FAN1: variants seen among roughly 807,000 people sequenced by gnomAD.
FAN1 encodes FANCD2 and FANCI associated nuclease 1, also known as fanconi-associated nuclease 1.
FAN1 carries 91 observed loss-of-function variants against 104.9 expected under a neutral mutation model. The ratio of observed to expected loss-of-function variants is 0.87; its 90% CI spans 0.73 to 1.03. The LOEUF is 1.03. FAN1 is among the 50% of genes least tolerant of loss of function. FAN1 has a pLI of 0.00. For synonymous variants in FAN1, 478 were observed against 457.6 expected (o/e 1.04, Z -0.57); for missense variants, 1,263 against 1,239.9 (o/e 1.02, Z -0.28).
intron 7 of FAN1, 25 bp downstream of exon 7, chr15:30,920,678 C>A: frequency 2.2e-6 from 3 of 1,351,548 alleles, no homozygotes; most frequent in Non-Finnish European, 3.1e-6. Flanking sequence ...CCCTGCCCCC[C>A]ACCATTACTG....
In FAN1 at chr15:30,908,217, C is replaced by G. The variant is rs1171683428; in HGVS notation, c.1334C>G (p.Pro445Arg). 2 of 1,608,278 alleles carry G rather than the reference C, an allele frequency of 1.2e-6. No homozygotes were observed. The highest frequency in any genetic ancestry group is 1.7e-5 in the Admixed American group (1 of 59,186). ...GAAGAGATTGCCTTAGACTTAACAC[C>G]TGTGATTGAAGAATTGACGAATGCA... ...EYEEIALDLT[P>R]VIEELTNAGF... is the part of the protein sequence containing the mutation. Residue 445 changes from proline to arginine, a missense_variant, in exon 3 of 15, where the codon CCT becomes CGT. Pro to Arg is a moderately radical substitution (Grantham distance 103). This residue lies in a region of FAN1 where 682 missense variants were observed against 571.1 expected (regional missense o/e 1.19). Coordinates refer to ENST00000362065, the MANE Select transcript of FAN1 (RefSeq NM_014967.5).
chr15:30,937,813 G>T (rs372942297), intron 14 of FAN1, among the ~76,000 whole-genome samples: 1 of 151,990 alleles, frequency 6.6e-6, no homozygotes, highest in Non-Finnish European at 1.5e-5. Flanking sequence ...GGAGCTGGAT[G>T]CATCTATATG....
At chr15:30,924,840 T>C (rs887195290) in intron 8 of FAN1, among the ~76,000 whole-genome samples, 19 of 152,152 alleles carry the variant, frequency 1.2e-4, no homozygotes, top group Non-Finnish European at 2.6e-4. Context: ...CAGGTACCCC[T>C]GAGGTTCACA....
At position 30,911,174 on chromosome 15, in the gene FAN1, T is replaced by TAATCAGGC. The variant is rs2062093496; in HGVS notation, c.1577+361_1577+368dup. 6.9e-6 allele frequency: 7 copies of TAATCAGGC among 1,019,360 alleles called. No homozygotes were observed. The South Asian group carries it at 2.8e-4, about 40-fold the overall frequency. 63.1% of individuals were successfully genotyped at this position (1,019,360 alleles called of 1,614,324 possible). A position where few individuals can be genotyped will look rare whatever the true frequency, so the allele number is the denominator to read the frequency against. ...TAGTTTTTGTTTACTAAACAAAGTA[T>TAATCAGGC]AATCAGGCAGTCTTAATGTGCAAGT... On this transcript the variant is annotated intron_variant, in intron 4 of 14. Transcript: ENST00000362065.
At position 30,904,631 on chromosome 15, in the gene FAN1, T is replaced by C; in HGVS notation, c.-33T>C. Reference sequence around the variant, plus strand: ...CTTTCACCTTAAATATCCTGTGTTTTATTGCTCAGAACATCCAGTTTTTCT... The same window carrying C: ...CTTTCACCTTAAATATCCTGTGTTTCATTGCTCAGAACATCCAGTTTTTCT... On this transcript the variant is annotated 5_prime_UTR_variant, in exon 2 of 15. Coordinates refer to ENST00000362065, the MANE Select transcript of FAN1 (RefSeq NM_014967.5). The C allele has an allele frequency of 6.2e-7, 1 of 1,604,824 alleles. No homozygotes were observed. The highest frequency in any genetic ancestry group is 2.2e-5 in the East Asian group (1 of 44,850).
At chr15:30,905,987 C>T (rs928984827) in intron 2 of FAN1, 90 bp downstream of exon 2, 59 of 1,211,398 alleles carry the variant, frequency 4.9e-5, no homozygotes, top group South Asian at 3.4e-4. Flanking sequence ...ATCTAGTGAC[C>T]GCAAGGAGTC....
chr15:30,921,849 G>GCCACCCCAAACA lies in FAN1; in HGVS notation c.2053-385_2053-384insCACCCCAAACAC, dbSNP rs2062338928. On this transcript the variant is annotated intron_variant, in intron 7 of 14. Transcript: ENST00000362065. ...TTCCTGCCCACCCCAAATCCCTCTT[G>GCCACCCCAAACA]CAGTTGGTCCTGTGACCTGCTGTGT... is the stretch of plus-strand genomic sequence containing the variant. Among the ~76,000 whole-genome samples the GCCACCCCAAACA allele has an allele frequency of 2.0e-5, 3 of 152,318 alleles. No individual in the cohort carries two copies. The South Asian group carries it at 6.2e-4, about 32-fold the overall frequency.
chr15:30,908,173 G>C lies in FAN1; in HGVS notation c.1290G>C (p.Lys430Asn). The C allele has an allele frequency of 6.2e-7, 1 of 1,611,456 alleles. No individual in the cohort carries two copies. The highest frequency in any genetic ancestry group is 8.5e-7 in the Non-Finnish European group (1 of 1,178,868). ...RLFQRKLSWI[K>N]MTKLEYEEIA... ...TTCAACGTAAATTAAGCTGGATTAAGATGACCAAATTAGAGTATGAAGAGA... is the reference window on the plus strand; with the variant it reads ...TTCAACGTAAATTAAGCTGGATTAACATGACCAAATTAGAGTATGAAGAGA... Residue 430 changes from lysine to asparagine, a missense_variant, in exon 3 of 15, where the codon AAG (lysine) becomes AAC (asparagine). Lys to Asn is a moderately conservative substitution (Grantham distance 94, BLOSUM62 0). This residue lies in a region of FAN1 where 682 missense variants were observed against 571.1 expected (regional missense o/e 1.19). Coordinates refer to ENST00000362065, the MANE Select transcript of FAN1 (RefSeq NM_014967.5).
At chr15:30,910,843 A>G (rs2062084357) in intron 4 of FAN1, 28 bp downstream of exon 4, 1 of 1,604,856 alleles carries the variant, frequency 6.2e-7, no homozygotes, top group South Asian at 1.1e-5. Context: ...TACAGTAAAA[A>G]CATTTAAAAT....
intron 8 of FAN1, among the ~76,000 whole-genome samples, chr15:30,922,873 C>T (rs558477065): frequency 4.4e-4 from 67 of 152,342 alleles, no homozygotes; most frequent in African/African-American, 1.5e-3. Flanking sequence ...TGAGCAGGCA[C>T]CAGTGCTCCC....
At chr15:30,939,385 C>T (rs897438010) in intron 14 of FAN1, 1 of 985,358 alleles carries the variant, frequency 1.0e-6, no homozygotes, top group African/African-American at 1.7e-5. Flanking sequence ...TGTGCAGCCA[C>T]ACCACTGCTG....
intron 14 of FAN1, chr15:30,939,355 G>T: frequency 1.3e-5 from 13 of 985,442 alleles, no homozygotes; most frequent in Non-Finnish European, 1.6e-5. Context: ...CAGGGGTGCT[G>T]AGCTCTCTCT....
chr15:30,913,459 C>G (rs991459578), intron 4 of FAN1, among the ~76,000 whole-genome samples: 1 of 152,116 alleles, frequency 6.6e-6, no homozygotes, highest in Non-Finnish European at 1.5e-5. Context: ...TTACCTGGAG[C>G]CTTTGATAAT....
chr15:30,927,069 G>A, intron 10 of FAN1: 1 of 969,168 alleles, frequency 1.0e-6, no homozygotes, highest in South Asian at 4.8e-5. Context: ...CCCAGCACTT[G>A]GGGAGGCTGA....
Position 30,905,505 on chromosome 15 carries a change from A to G in FAN1, c.842A>G (p.Asp281Gly). 1 of 1,614,162 alleles carries G rather than the reference A, an allele frequency of 6.2e-7. No individual in the cohort carries two copies. Among genetic ancestry groups the G allele is most frequent in the Admixed American group, 1.7e-5 (1 of 60,028 alleles). The change falls in exon 2 of 15, where the codon GAC becomes GGC. Residue 281 changes from aspartate (D) to glycine (G), a missense_variant. Asp to Gly is a moderately conservative substitution (Grantham distance 94). This residue lies in a region of FAN1 where 682 missense variants were observed against 571.1 expected (regional missense o/e 1.19). Coordinates refer to ENST00000362065, the MANE Select transcript of FAN1 (RefSeq NM_014967.5). ...AATACATTAAAGTCTACTTCAGAAG[A>G]CAGTCTTGTAAAGCAAGAGTGTATC... is the stretch of plus-strand genomic sequence containing the variant. The part of the protein sequence containing the change: ...LRNTLKSTSE[D>G]SLVKQECIKE...
intron 14 of FAN1, 129 bp downstream of exon 14, chr15:30,937,388 A>G (rs1424517010): frequency 6.1e-6 from 5 of 822,222 alleles, no homozygotes; most frequent in Non-Finnish European, 9.3e-6. Context: ...CAGTGTCTGC[A>G]TATCACAAAA....
At chr15:30,906,310 C>T (rs188957415) in intron 2 of FAN1, 2 of 461,042 alleles carry the variant, frequency 4.3e-6, no homozygotes, top group East Asian at 1.4e-4. Flanking sequence ...GAATAAAATA[C>T]AATACAGGAA....
intron 8 of FAN1, among the ~76,000 whole-genome samples, chr15:30,923,387 AAG>A (rs1277632872): frequency 6.6e-6 from 1 of 152,172 alleles, no homozygotes; most frequent in African/African-American, 2.4e-5. Flanking sequence ...ATAAAAGTTC[AAG>A]AGAGTACAGA....
At chr15:30,938,171 G>C (rs531033771) in intron 14 of FAN1, among the ~76,000 whole-genome samples, 2 of 150,930 alleles carry the variant, frequency 1.3e-5, no homozygotes, top group Admixed American at 6.6e-5. Flanking sequence ...GAGACAGAGC[G>C]AGACTCTGTC....
Sources: allele counts gnomAD v4.1 joint callset (sites outside exome capture counted in the v4.1 genomes callset), GRCh38; gene constraint gnomAD v4.1.1; regional missense constraint gnomAD v4.1.1; transcripts MANE v1.5; gene names NCBI Gene and HGNC (gene_info 2026-07-23, HGNC 2026-07-21).